INKA2: variants seen among roughly 807,000 people sequenced by gnomAD.
The protein encoded by INKA2 is PAK4-inhibitor INKA2.
INKA2 carries 3 observed loss-of-function variants against 9.8 expected under a neutral mutation model. The observed-to-expected ratio is 0.31, with a 90% CI of 0.14 to 0.79. The LOEUF is 0.79. Among genes scored for constraint, INKA2 ranks in the 30% least tolerant of loss-of-function variants. The pLI, the probability that INKA2 is intolerant of heterozygous loss-of-function variation, is 0.62. For synonymous variants in INKA2, 147 were observed against 143.3 expected, an observed-to-expected ratio of 1.03 and a Z score of -0.18; for missense variants, 392 against 384.4, an observed-to-expected ratio of 1.02 and a Z score of -0.17.
chr1:111,723,159 T>G lies in INKA2; in HGVS notation c.*3809A>C, dbSNP rs1662685693. On this transcript the variant is annotated 3_prime_UTR_variant, in exon 2 of 2. Coordinates refer to ENST00000357260, the MANE Select transcript of INKA2 (RefSeq NM_019099.5). ...TGGGTTCTGGCTGCTCTGGAGAAGG[T>G]GGGGACAAGGTGTGCTCTTGCTCTT... is the stretch of plus-strand genomic sequence containing the variant. 1.5e-6 allele frequency: 1 copy of G among 687,362 alleles called. No homozygotes were observed. Among genetic ancestry groups the G allele is most frequent in the Non-Finnish European group, 2.6e-6 (1 of 377,828 alleles). The allele number at this position is 687,362 out of a possible 1,614,324, so 42.6% of individuals were successfully genotyped here. A position where few individuals can be genotyped will look rare whatever the true frequency, so the allele number is the denominator to read the frequency against.
chr1:111,741,101 G>A (rs1175463469), upstream of INKA2, among the ~76,000 whole-genome samples: 1 of 151,092 alleles, frequency 6.6e-6, no homozygotes, highest in Non-Finnish European at 1.5e-5. Context: ...CAGAGATGGA[G>A]GGGAAGAGAG....
At chr1:111,755,571 A>C in intron 1 of INKA2, 1 of 1,076,466 alleles carries the variant, frequency 9.3e-7, no homozygotes, top group Non-Finnish European at 1.3e-6. Flanking sequence ...GCGCATCACA[A>C]AGAACGGCGA....
chr1:111,727,297 C>T lies in INKA2; in HGVS notation c.565G>A (p.Glu189Lys), dbSNP rs1163421084. Residue 189 changes from glutamate (E) to lysine (K), a missense_variant, in exon 2 of 2, where the codon GAA (glutamate) becomes AAA (lysine). By Grantham distance (56) the Glu-to-Lys change is moderately conservative. Coordinates refer to ENST00000357260, the MANE Select transcript of INKA2 (RefSeq NM_019099.5). Reference sequence around the variant, plus strand: ...GGCTGGCCTTTCTCTCCTTTGGGTTCACGTGCCCCCCCAGTCTCACCCTTC... The same window carrying T: ...GGCTGGCCTTTCTCTCCTTTGGGTTTACGTGCCCCCCCAGTCTCACCCTTC... ...GEKGETGGAR[E>K]PKGEKGQPQE... 4 of 1,614,226 alleles carry T rather than the reference C, an allele frequency of 2.5e-6. No homozygotes were observed. The highest frequency in any genetic ancestry group is 3.4e-6 in the Non-Finnish European group (4 of 1,180,038).
chr1:111,727,542 G>T lies in INKA2; in HGVS notation c.320C>A (p.Ser107Tyr), dbSNP rs1392952911. The T allele has an allele frequency of 6.2e-7, 1 of 1,613,674 alleles. No individual in the cohort carries two copies. The highest frequency in any genetic ancestry group is 1.3e-5 in the African/African-American group (1 of 74,936). Reference sequence around the variant, plus strand: ...ATCCCTTCCACAGACACTCCTATGGGATGGAAACTTGGTGCTGCTGCCAAG... The same window carrying T: ...ATCCCTTCCACAGACACTCCTATGGTATGGAAACTTGGTGCTGCTGCCAAG... ...PSLGSSTKFP[S>Y]HRSVCGRDLA... The change falls in exon 2 of 2, where the codon TCC (serine) becomes TAC (tyrosine). Residue 107 changes from serine (S) to tyrosine (Y), a missense_variant. By Grantham distance (144) the Ser-to-Tyr change is moderately radical. Transcript: ENST00000357260.
upstream of INKA2, among the ~76,000 whole-genome samples, chr1:111,743,131 G>A (rs958558022): frequency 2.6e-5 from 4 of 152,184 alleles, no homozygotes; most frequent in Admixed American, 6.5e-5. Context: ...GGGGGCTGGG[G>A]GACGTGATTC....
In INKA2 at chr1:111,722,941, C is replaced by T. The variant is rs1378604242; in HGVS notation, c.*4027G>A. ...GCTTGGACCGTAGGTGCATTATGTC[C>T]TTTAAATCTCACAGCAGCCCCACAT... On this transcript the variant is annotated 3_prime_UTR_variant, in exon 2 of 2. Coordinates refer to ENST00000357260, the MANE Select transcript of INKA2 (RefSeq NM_019099.5). 1.6e-6 allele frequency: 1 copy of T among 630,466 alleles called. No individual in the cohort carries two copies. Among genetic ancestry groups the T allele is most frequent in the Non-Finnish European group, 2.9e-6 (1 of 350,506 alleles). The allele number at this position is 630,466 out of a possible 1,614,324, so 39.1% of individuals were successfully genotyped here. A position where few individuals can be genotyped will look rare whatever the true frequency, so the allele number is the denominator to read the frequency against.
chr1:111,729,660 G>GC (rs962973763), intron 1 of INKA2, among the ~76,000 whole-genome samples: 2 of 152,208 alleles, frequency 1.3e-5, no homozygotes, highest in African/African-American at 4.8e-5. Context: ...TGTTTCTTAA[G>GC]CCCCCCAGAG....
At chr1:111,755,650 C>T (rs1330968018) in intron 1 of INKA2, 2 of 1,603,972 alleles carry the variant, frequency 1.2e-6, no homozygotes, top group Non-Finnish European at 1.7e-6. Flanking sequence ...CGGGGCGGTG[C>T]CCCCACCGCA....
chr1:111,755,708 C>A (rs746001617), exon 1 of INKA2: 3 of 1,613,762 alleles, frequency 1.9e-6, no homozygotes, highest in Non-Finnish European at 2.5e-6. Flanking sequence ...CACCAGTTGC[C>A]TCATCTTTCC....
upstream of INKA2, among the ~76,000 whole-genome samples, chr1:111,743,119 A>C (rs1034386582): frequency 5.3e-5 from 8 of 152,162 alleles, no homozygotes; most frequent in African/African-American, 1.7e-4. Context: ...TGGGCTGGGG[A>C]TGGGGGCTGG....
intron 1 of INKA2, chr1:111,747,504 T>C (rs1485391017): frequency 1.3e-5 from 2 of 152,394 alleles, no homozygotes; most frequent in Non-Finnish European, 2.9e-5. Context: ...GCTTCCTTCA[T>C]GACGACAGTG....
upstream of INKA2, chr1:111,740,219 A>G (rs1663112889): frequency 6.6e-6 from 1 of 152,270 alleles, no homozygotes; most frequent in Non-Finnish European, 1.5e-5. Flanking sequence ...CTCTCCCCAG[A>G]GCTCGGCGTC....
intron 1 of INKA2, among the ~76,000 whole-genome samples, chr1:111,738,733 T>C (rs1663062873): frequency 6.6e-6 from 1 of 152,038 alleles, no homozygotes; most frequent in Non-Finnish European, 1.5e-5. Context: ...CGCGCAGGGA[T>C]CAGGACCCAG....
intron 1 of INKA2, chr1:111,746,831 G>C (rs979785738): frequency 1.3e-5 from 2 of 152,198 alleles, no homozygotes; most frequent in African/African-American, 4.8e-5. Flanking sequence ...TGAGGGGTGT[G>C]CTGGAACCAT....
chr1:111,736,823 A>C (rs1007844891), intron 1 of INKA2, among the ~76,000 whole-genome samples: 3 of 152,248 alleles, frequency 2.0e-5, no homozygotes, highest in Non-Finnish European at 2.9e-5. Context: ...AGCAAGCTGC[A>C]CTGAATTCAG....
chr1:111,728,903 C>CTTTTTTTTTTTTTT lies in INKA2; in HGVS notation c.58-1113_58-1100dup, dbSNP rs34918562. On this transcript the variant is annotated intron_variant, in intron 1 of 1. Transcript: ENST00000357260. ...CTGGGCAGTGGGCAGTGGAGCTAGGCTTTTTTTTTTTTTTTTCAAACAGGG... is the reference window on the plus strand; with the variant it reads ...CTGGGCAGTGGGCAGTGGAGCTAGGCTTTTTTTTTTTTTTTTTTTTTTTTTTTTTTCAAACAGGG... 7.8e-5 allele frequency among the ~76,000 whole-genome samples: 9 copies of CTTTTTTTTTTTTTT among 115,568 alleles called. 1 individual carries two copies. Among genetic ancestry groups the CTTTTTTTTTTTTTT allele is most frequent in the African/African-American group, 2.4e-4 (7 of 29,290 alleles). The allele number at this position is 115,568 out of a possible 152,430, so 75.8% of individuals were successfully genotyped here. A position where few individuals can be genotyped will look rare whatever the true frequency, so the allele number is the denominator to read the frequency against.
At chr1:111,739,405 G>T (rs1398127302), upstream of INKA2, 6 of 1,469,640 alleles carry the variant, frequency 4.1e-6, no homozygotes, top group Non-Finnish European at 4.5e-6. Context: ...CGCTTCCCCA[G>T]CGGCTAGCCG....
At chr1:111,753,579 T>C (rs1183269741) in intron 1 of INKA2, among the ~76,000 whole-genome samples, 3 of 152,234 alleles carry the variant, frequency 2.0e-5, no homozygotes, top group African/African-American at 7.2e-5. Context: ...TCTGGAAATG[T>C]AGTCTTTTTG....
At chr1:111,747,897 A>G (rs1454986700) in intron 1 of INKA2, 1 of 152,232 alleles carries the variant, frequency 6.6e-6, no homozygotes, top group African/African-American at 2.4e-5. Context: ...GTGGAAAATT[A>G]GCTTTGGCAG....
Sources: allele counts gnomAD v4.1 joint callset (sites outside exome capture counted in the v4.1 genomes callset), GRCh38; gene constraint gnomAD v4.1.1; transcripts MANE v1.5; gene names NCBI Gene and HGNC (gene_info 2026-07-23, HGNC 2026-07-21).